The following APP variants were observed in gnomAD, a reference collection of about 807,000 sequenced individuals.
APP encodes the protein amyloid beta precursor protein.
A neutral mutation model predicts 101.4 loss-of-function variants in APP; 31 were observed. The observed-to-expected ratio is 0.31, with a 90% CI of 0.23 to 0.41. The LOEUF (loss-of-function observed/expected upper bound fraction) is 0.41, where lower values mean the gene tolerates loss of function less well. Among genes scored for constraint, APP ranks in the 10% least tolerant of loss-of-function variants. APP has a pLI of 1.00. For synonymous variants in APP, 366 were observed against 364.4 expected, an observed-to-expected ratio of 1.00 and a Z score of -0.05; for missense variants, 839 against 1,003.7, an observed-to-expected ratio of 0.84 and a Z score of 2.22.
chr21:26,100,291 T>C (rs2146156157), intron 2 of APP, among the ~76,000 whole-genome samples: 1 of 152,336 alleles, frequency 6.6e-6, no homozygotes. Context: ...GCATAAAATA[T>C]ATCCACATAT....
At chr21:25,986,438 G>T (rs1309404754) in intron 8 of APP, among the ~76,000 whole-genome samples, 1 of 152,160 alleles carries the variant, frequency 6.6e-6, no homozygotes, top group Non-Finnish European at 1.5e-5. Flanking sequence ...GGATGGGGTG[G>T]CTCACACCTG....
chr21:25,912,445 T>C (rs2039125752), intron 13 of APP, among the ~76,000 whole-genome samples: 1 of 152,180 alleles, frequency 6.6e-6, no homozygotes, highest in South Asian at 2.1e-4. Context: ...AAGAAAAGCA[T>C]TAAAGGGCCA....
intron 17 of APP, among the ~76,000 whole-genome samples, chr21:25,888,368 T>A (rs2037475884): frequency 6.6e-6 from 1 of 152,164 alleles, no homozygotes; most frequent in African/African-American, 2.4e-5. Flanking sequence ...TAGGCTGGGT[T>A]GCAACTCCCT....
chr21:26,057,601 G>A (rs1263475140), intron 3 of APP, among the ~76,000 whole-genome samples: 3 of 152,140 alleles, frequency 2.0e-5, no homozygotes, highest in Non-Finnish European at 1.5e-5. Flanking sequence ...AATTCAATAG[G>A]AGTCTGCAGG....
At chr21:26,137,312 G>C (rs954197482) in intron 1 of APP, among the ~76,000 whole-genome samples, 1 of 152,200 alleles carries the variant, frequency 6.6e-6, no homozygotes, top group African/African-American at 2.4e-5. Context: ...GTTTCAATGA[G>C]AGCAAATGAG....
At chr21:25,928,321 G>A (rs1034777152) in intron 13 of APP, among the ~76,000 whole-genome samples, 6 of 148,350 alleles carry the variant, frequency 4.0e-5, no homozygotes, top group Non-Finnish European at 7.4e-5. Context: ...CAGCCTGGGC[G>A]ACAGAGCGAG....
chr21:26,065,610 T>C (rs2046426402), intron 3 of APP, among the ~76,000 whole-genome samples: 1 of 152,166 alleles, frequency 6.6e-6, no homozygotes, highest in Non-Finnish European at 1.5e-5. Context: ...CTGATGAGGT[T>C]TGCACAAAGC....
At chr21:25,881,844 AAAGAT>A (rs2037007117) in intron 17 of APP, 73 bp from the exon 18 acceptor site, 1 of 1,431,686 alleles carries the variant, frequency 7.0e-7, no homozygotes, top group Non-Finnish European at 9.7e-7. Flanking sequence ...GAAGCAGTAA[AAAGAT>A]AAGGAGTACA....
intron 1 of APP, among the ~76,000 whole-genome samples, chr21:26,163,629 G>A (rs1024496438): frequency 3.9e-5 from 6 of 152,086 alleles, no homozygotes; most frequent in South Asian, 2.1e-4. Flanking sequence ...ACACATCCTC[G>A]TATGTGAACC....
chr21:26,000,119 T>C lies in APP; in HGVS notation c.929A>G (p.Asp310Gly). 2 of 1,614,192 alleles carry C rather than the reference T, an allele frequency of 1.2e-6. No homozygotes were observed. The highest frequency in any genetic ancestry group is 1.7e-6 in the Non-Finnish European group (2 of 1,180,012). Residue 310 changes from aspartate to glycine, a missense_variant, in exon 7 of 18, where the codon GAT (aspartate) becomes GGT (glycine). By Grantham distance (94) the Asp-to-Gly change is moderately conservative (BLOSUM62 -1). Transcript: ENST00000346798. ...CRAMISRWYF[D>G]VTEGKCAPFF... ...TGGGGCACACTTCCCTTCAGTCACA[T>C]CAAAGTACCAGCGGGAGATCATTGC... is the stretch of plus-strand genomic sequence containing the variant.
At chr21:25,916,911 A>G (rs1229514917) in intron 13 of APP, among the ~76,000 whole-genome samples, 1 of 152,210 alleles carries the variant, frequency 6.6e-6, no homozygotes, top group African/African-American at 2.4e-5. Context: ...TCAATAACAG[A>G]GGTATTTAAT....
intron 17 of APP, among the ~76,000 whole-genome samples, chr21:25,889,745 A>G (rs2037565385): frequency 6.6e-6 from 1 of 152,026 alleles, no homozygotes; most frequent in South Asian, 2.1e-4. Flanking sequence ...GGAGGCTGAG[A>G]GTGAGGTAGG....
intron 2 of APP, among the ~76,000 whole-genome samples, chr21:26,100,172 G>A: frequency 6.6e-6 from 1 of 152,122 alleles, no homozygotes; most frequent in East Asian, 1.9e-4. Flanking sequence ...CTCTTTCAAT[G>A]TAGGGCTAAT....
chr21:25,904,967 G>A (rs1202213907), intron 15 of APP, 57 bp downstream of exon 15: 18 of 1,461,408 alleles, frequency 1.2e-5, no homozygotes, highest in Admixed American at 5.1e-5. Flanking sequence ...AGGAGACAAC[G>A]TCTGCTCGAG....
rs1818969859 is a variant in APP, at chr21:26,140,100, A to C, written c.58-27954T>G. ...TATTACTGTCTGAGAACAGAGTTTC[A>C]TCTTACCCAAATACAGACTAAAAAC... On this transcript the variant is annotated intron_variant, in intron 1 of 17. Transcript: ENST00000346798. The C allele has an allele frequency of 3.1e-6, 4 of 1,297,088 alleles. No individual in the cohort carries two copies. In the South Asian group the frequency reaches 5.0e-5, roughly 16 times the overall value. 80.3% of individuals were successfully genotyped at this position (1,297,088 alleles called of 1,614,324 possible). A position where few individuals can be genotyped will look rare whatever the true frequency, so the allele number is the denominator to read the frequency against.
At chr21:26,059,890 C>CAAAAAAAA (rs57594630) in intron 3 of APP, among the ~76,000 whole-genome samples, 8 of 70,658 alleles carry the variant, frequency 1.1e-4, no homozygotes, top group East Asian at 5.5e-4. Context: ...GACTCCGTCT[C>CAAAAAAAA]AAAAAAAAAA....
intron 5 of APP, among the ~76,000 whole-genome samples, chr21:26,039,897 CTT>C (rs1351330285): frequency 6.6e-6 from 1 of 151,956 alleles, no homozygotes; most frequent in Non-Finnish European, 1.5e-5. Flanking sequence ...TAAATAATAA[CTT>C]GACTGCCTTA....
At chr21:26,089,376 C>T (rs1344343623) in intron 3 of APP, 3 of 151,404 alleles carry the variant, frequency 2.0e-5, no homozygotes, top group Non-Finnish European at 4.4e-5. Flanking sequence ...AGGTTTGTGA[C>T]AAAACAAACA....
intron 1 of APP, among the ~76,000 whole-genome samples, chr21:26,152,441 A>G (rs573095768): frequency 1.3e-5 from 2 of 152,264 alleles, no homozygotes; most frequent in African/African-American, 4.8e-5. Flanking sequence ...AGTAAACATT[A>G]CATGTACAAA....
Sources: allele counts gnomAD v4.1 joint callset (sites outside exome capture counted in the v4.1 genomes callset), GRCh38; gene constraint gnomAD v4.1.1; transcripts MANE v1.5; gene names NCBI Gene and HGNC (gene_info 2026-07-23, HGNC 2026-07-21).